KAZN: variants seen among roughly 807,000 people sequenced by gnomAD.
KAZN encodes the protein kazrin.
In KAZN, 40 loss-of-function variants were observed where a neutral mutation model predicts 87.4. The ratio of observed to expected loss-of-function variants is 0.46; its 90% confidence interval spans 0.36 to 0.60. KAZN has a LOEUF of 0.60. Among genes scored for constraint, KAZN ranks in the 20% least tolerant of loss-of-function variants. The pLI, the probability that KAZN is intolerant of heterozygous loss-of-function variation, is 0.00. For synonymous variants in KAZN, 466 were observed against 458.3 expected (o/e 1.02, Z -0.22); for missense variants, 898 against 1,073.9 (o/e 0.84, Z 2.29).
At chr1:14,706,293 A>C (rs184800931) in intron 1 of KAZN, among the ~76,000 whole-genome samples, 1 of 152,272 alleles carries the variant, frequency 6.6e-6, no homozygotes, top group East Asian at 1.9e-4. Flanking sequence ...AGTGCACAAT[A>C]AATATAATGT....
At chr1:14,174,206 A>C (rs1311408282) in intron 1 of KAZN, among the ~76,000 whole-genome samples, 3 of 152,302 alleles carry the variant, frequency 2.0e-5, no homozygotes, top group Non-Finnish European at 4.4e-5. Context: ...TAGCACACTC[A>C]AGCTTTGTTG....
Position 14,638,580 on chromosome 1 carries a change from A to AAAAAAAAAAAAAC in KAZN, c.226+39363_226+39375dup, listed in dbSNP as rs1557856207. On this transcript the variant is annotated intron_variant, in intron 1 of 14. Transcript: ENST00000376030. ...CAAGACTCCGTCTCAAAAAAAAAAC[A>AAAAAAAAAAAAAC]AAAAAAAAAAAACAAAAAGGGTTGT... is the stretch of plus-strand genomic sequence containing the variant. Among the ~76,000 whole-genome samples the AAAAAAAAAAAAAC allele has an allele frequency of 5.9e-4, 14 of 23,614 alleles. No homozygotes were observed. In the African/African-American group the frequency reaches 6.3e-3, roughly 11 times the overall value. The allele number at this position is 23,614 out of a possible 152,430, so 15.5% of individuals were successfully genotyped here.
rs1279362177 is a variant in KAZN, at chr1:14,365,381, G to T, written c.249+184789G>T. Reference sequence around the variant, plus strand: ...CTCCCCCCGGGGTGGGGGGGGGGGGGGTCTTTCAAGGTCACCAGCTGTGTT... The same window carrying T: ...CTCCCCCCGGGGTGGGGGGGGGGGGTGTCTTTCAAGGTCACCAGCTGTGTT... On this transcript the variant is annotated intron_variant, in intron 2 of 16. Transcript: ENST00000636203. 5.9e-4 allele frequency among the ~76,000 whole-genome samples: 76 copies of T among 128,198 alleles called. 2 individuals are homozygous for T. Among genetic ancestry groups the T allele is most frequent in the Non-Finnish European group, 9.6e-4 (59 of 61,674 alleles). 84.1% of individuals were successfully genotyped at this position (128,198 alleles called of 152,430 possible).
chr1:14,538,553 C>G (rs978180550), intron 2 of KAZN, among the ~76,000 whole-genome samples: 4 of 152,140 alleles, frequency 2.6e-5, no homozygotes, highest in African/African-American at 7.2e-5. Flanking sequence ...GAAGGACAGC[C>G]TCTTTCATAA....
At chr1:14,167,972 G>A (rs1459815772) in intron 1 of KAZN, among the ~76,000 whole-genome samples, 1 of 152,146 alleles carries the variant, frequency 6.6e-6, no homozygotes, top group Non-Finnish European at 1.5e-5. Context: ...TTGGTTCCAG[G>A]AGTCAAGTTA....
intron 7 of KAZN, among the ~76,000 whole-genome samples, chr1:15,065,248 G>A (rs1315235946): frequency 1.3e-5 from 2 of 152,010 alleles, no homozygotes; most frequent in East Asian, 3.9e-4. Flanking sequence ...GGCTGGTCTC[G>A]AACTCCCGAC....
intron 1 of KAZN, among the ~76,000 whole-genome samples, chr1:14,722,757 C>G (rs966640691): frequency 3.9e-5 from 6 of 152,090 alleles, no homozygotes; most frequent in Admixed American, 1.3e-4. Flanking sequence ...CCAGTCTTGC[C>G]CTATCCACAC....
intron 1 of KAZN, among the ~76,000 whole-genome samples, chr1:13,920,243 C>CA (rs56221437): frequency 0.15 from 10,955 of 71,304 alleles, 699 homozygotes; most frequent in Non-Finnish European, 0.21. Context: ...GACCCTGTCT[C>CA]AAAAAAAAAA....
intron 2 of KAZN, among the ~76,000 whole-genome samples, chr1:14,214,978 A>G (rs1646930326): frequency 6.6e-6 from 1 of 152,262 alleles, no homozygotes; most frequent in Admixed American, 6.5e-5. Flanking sequence ...AAATCAAATG[A>G]AAAATTAAAA....
chr1:14,376,002 C>T (rs16850171), intron 2 of KAZN, among the ~76,000 whole-genome samples: 16,637 of 152,108 alleles, frequency 0.11, 1,558 homozygotes, highest in African/African-American at 0.26. Context: ...CTTGCAAATA[C>T]TCCAGGGGAC....
intron 2 of KAZN, among the ~76,000 whole-genome samples, chr1:14,995,957 A>T (rs546854737): frequency 6.6e-6 from 1 of 152,242 alleles, no homozygotes; most frequent in East Asian, 1.9e-4. Flanking sequence ...TTGTCCTGGA[A>T]AATAAGCCGG....
chr1:14,195,063 G>A (rs1009940361), intron 2 of KAZN, among the ~76,000 whole-genome samples: 1 of 152,206 alleles, frequency 6.6e-6, no homozygotes, highest in Non-Finnish European at 1.5e-5. Flanking sequence ...TCAACCCTTC[G>A]AGGAAAGACC....
At position 14,169,089 on chromosome 1, in the gene KAZN, G is replaced by A. The variant is rs372025525; in HGVS notation, c.92-11346G>A. ...TAGAAAGACATCAGCTGTGGGACTC[G>A]TATTAAGTAGGGTTTACTCGGTATA... On this transcript the variant is annotated intron_variant, in intron 1 of 16. Coordinates refer to the KAZN transcript ENST00000636203. 1.3e-3 allele frequency among the ~76,000 whole-genome samples: 191 copies of A among 152,254 alleles called. 1 individual carries two copies. The highest frequency in any genetic ancestry group is 6.8e-3 in the Middle Eastern group (2 of 294).
At chr1:14,152,253 C>T (rs1477921729) in intron 1 of KAZN, among the ~76,000 whole-genome samples, 1 of 152,124 alleles carries the variant, frequency 6.6e-6, no homozygotes, top group East Asian at 1.9e-4. Flanking sequence ...GTTGTGCTAG[C>T]AAACAGTAGG....
intron 1 of KAZN, among the ~76,000 whole-genome samples, chr1:14,706,781 T>C (rs893263698): frequency 6.6e-6 from 1 of 152,194 alleles, no homozygotes; most frequent in Admixed American, 6.5e-5. Flanking sequence ...TTATCCTCAT[T>C]TGAATGTGCC....
chr1:15,003,193 C>T (rs1183327676), intron 2 of KAZN, among the ~76,000 whole-genome samples: 4 of 152,110 alleles, frequency 2.6e-5, no homozygotes, highest in African/African-American at 2.4e-5. Flanking sequence ...GGAATAATGT[C>T]GTGGAGGTGA....
At chr1:14,001,193 G>A (rs1639777694) in intron 1 of KAZN, among the ~76,000 whole-genome samples, 1 of 152,102 alleles carries the variant, frequency 6.6e-6, no homozygotes, top group Non-Finnish European at 1.5e-5. Flanking sequence ...AAAATCACAA[G>A]CATTCCTTTA....
chr1:14,387,643 G>A (rs1241829047), intron 2 of KAZN, among the ~76,000 whole-genome samples: 1 of 152,144 alleles, frequency 6.6e-6, no homozygotes, highest in Admixed American at 6.5e-5. Flanking sequence ...AGGGGTCAGG[G>A]ACCCACTTGA....
rs142711893 is a variant in KAZN, at chr1:14,508,861, G to A, written c.250-90122G>A. Among the ~76,000 whole-genome samples the A allele has an allele frequency of 1.5e-3, 224 of 152,266 alleles. 2 individuals carry two copies. Among genetic ancestry groups the A allele is most frequent in the African/African-American group, 4.6e-3 (192 of 41,542 alleles). ...GGAGGATATTTAAGGATCAGAACCC[G>A]ATCAGACAGGAACAGGTCCCATCCT... On this transcript the variant is annotated intron_variant, in intron 2 of 16. Coordinates refer to the KAZN transcript ENST00000636203.
Sources: allele counts gnomAD v4.1 joint callset (sites outside exome capture counted in the v4.1 genomes callset), GRCh38; gene constraint gnomAD v4.1.1; transcripts MANE v1.5; gene names NCBI Gene and HGNC (gene_info 2026-07-23, HGNC 2026-07-21).